The following ARRDC5 variants were observed in gnomAD, a reference collection of about 807,000 sequenced individuals.
ARRDC5 encodes arrestin domain-containing protein 5.
In ARRDC5, 12 loss-of-function variants were observed where a neutral mutation model predicts 13.3. The ratio of observed to expected loss-of-function variants is 0.90; its 90% CI spans 0.58 to 1.46. The LOEUF is 1.46. Among genes scored for constraint, ARRDC5 ranks in the 40% most tolerant of loss-of-function variants. The pLI is 0.00. For synonymous variants in ARRDC5, 181 were observed against 173.4 expected, an observed-to-expected ratio of 1.04 and a Z score of -0.34; for missense variants, 406 against 418.7, an observed-to-expected ratio of 0.97 and a Z score of 0.26.
chr19:4,904,634 C>T (rs1016973693), upstream of ARRDC5, among the ~76,000 whole-genome samples: 1 of 152,158 alleles, frequency 6.6e-6, no homozygotes, highest in African/African-American at 2.4e-5. Context: ...CTCTTTATGC[C>T]TGCATCTCCC....
At chr19:4,892,799 G>A in intron 2 of ARRDC5, among the ~76,000 whole-genome samples, 1 of 151,848 alleles carries the variant, frequency 6.6e-6, no homozygotes, top group Non-Finnish European at 1.5e-5. Context: ...TTGTGATATT[G>A]CCTATTTAGA....
the ARRDC5 span, chr19:4,910,744 G>C: frequency 9.1e-7 from 1 of 1,100,558 alleles, no homozygotes; most frequent in Non-Finnish European, 1.3e-6. Context: ...CTGTACAGGA[G>C]GACTGGAAGG....
chr19:4,901,538 C>T (rs1187554581), intron 1 of ARRDC5, among the ~76,000 whole-genome samples: 8 of 151,274 alleles, frequency 5.3e-5, no homozygotes, highest in Admixed American at 3.3e-4. Flanking sequence ...CGTTTGAACC[C>T]GGGAGGCGGA....
chr19:4,913,420 A>AT, the ARRDC5 span, among the ~76,000 whole-genome samples: 1 of 151,680 alleles, frequency 6.6e-6, no homozygotes, highest in Admixed American at 6.6e-5. Flanking sequence ...CGCCTGATTA[A>AT]TTTTTTGTAT....
intron 1 of ARRDC5, among the ~76,000 whole-genome samples, chr19:4,897,237 G>A (rs1374725162): frequency 3.9e-5 from 6 of 152,150 alleles, no homozygotes; most frequent in South Asian, 2.1e-4. Flanking sequence ...GGTTACAGGC[G>A]TGAGCCACTG....
intron 2 of ARRDC5, among the ~76,000 whole-genome samples, chr19:4,894,855 T>G (rs1007943172): frequency 6.6e-6 from 1 of 152,104 alleles, no homozygotes; most frequent in African/African-American, 2.4e-5. Context: ...CACCTCCCAC[T>G]TTTCTGCCTC....
chr19:4,897,676 C>T (rs2031780423), intron 1 of ARRDC5, among the ~76,000 whole-genome samples: 1 of 152,156 alleles, frequency 6.6e-6, no homozygotes, highest in Non-Finnish European at 1.5e-5. Context: ...GCCACCATGC[C>T]TGGCTAATTT....
chr19:4,893,190 A>AATATAAC (rs918643262), intron 2 of ARRDC5, among the ~76,000 whole-genome samples: 3 of 141,120 alleles, frequency 2.1e-5, no homozygotes, highest in African/African-American at 7.8e-5. Flanking sequence ...ATATTATAAT[A>AATATAAC]ATATAACATA....
chr19:4,915,489 G>C, the ARRDC5 span, among the ~76,000 whole-genome samples: 1 of 152,158 alleles, frequency 6.6e-6, no homozygotes, highest in South Asian at 2.1e-4. Context: ...CAAGGCAGGC[G>C]GATCACCTGA....
At chr19:4,905,820 G>A (rs2032054670), upstream of ARRDC5, among the ~76,000 whole-genome samples, 1 of 152,042 alleles carries the variant, frequency 6.6e-6, no homozygotes, top group Non-Finnish European at 1.5e-5. Flanking sequence ...CCCGGCCAGT[G>A]TTAGTGTATT....
the ARRDC5 span, chr19:4,911,110 C>A: frequency 5.8e-6 from 8 of 1,375,738 alleles, no homozygotes; most frequent in African/African-American, 1.2e-4. Flanking sequence ...CCAGCCGATA[C>A]TTTCTCCCTC....
the ARRDC5 span, chr19:4,910,216 G>A: frequency 1.3e-5 from 2 of 151,462 alleles, no homozygotes; most frequent in Admixed American, 1.3e-4. Flanking sequence ...GGGTTTGGAG[G>A]GGCGCGAGCT....
intron 2 of ARRDC5, among the ~76,000 whole-genome samples, chr19:4,894,128 G>A (rs574738030): frequency 6.9e-4 from 105 of 151,662 alleles, no homozygotes; most frequent in African/African-American, 2.4e-3. Context: ...TGTAATCCCA[G>A]CACTTTGGGA....
the ARRDC5 span, chr19:4,911,128 C>T: frequency 2.4e-6 from 3 of 1,276,456 alleles, no homozygotes; most frequent in Non-Finnish European, 3.2e-6. Context: ...CTCCCACCTC[C>T]CCCCCCAACA....
At chr19:4,903,002 T>C (rs2031976651), upstream of ARRDC5, 3 of 703,662 alleles carry the variant, frequency 4.3e-6, no homozygotes, top group Non-Finnish European at 2.3e-6. Context: ...GGGTGGTTGA[T>C]TGGGAAACCT....
intron 2 of ARRDC5, among the ~76,000 whole-genome samples, chr19:4,893,908 C>T (rs1317496116): frequency 2.1e-5 from 3 of 144,920 alleles, no homozygotes; most frequent in East Asian, 2.1e-4. Flanking sequence ...AATAGCCAGG[C>T]GTGGTGGTGG....
chr19:4,916,482 GGT>G, the ARRDC5 span, among the ~76,000 whole-genome samples: 1 of 152,148 alleles, frequency 6.6e-6, no homozygotes, highest in African/African-American at 2.4e-5. Flanking sequence ...CAGTGATCGT[GGT>G]GTCTTTGTGG....
chr19:4,910,684 TA>T, the ARRDC5 span: 6 of 473,868 alleles, frequency 1.3e-5, no homozygotes, highest in Admixed American at 4.1e-5. Flanking sequence ...GGCTAGTCGT[TA>T]ATGCCTTAAG....
At chr19:4,915,709 C>CA in the ARRDC5 span, among the ~76,000 whole-genome samples, 2,961 of 150,264 alleles carry the variant, frequency 0.02, 95 homozygotes, top group East Asian at 0.029. Flanking sequence ...GACTCCGTCT[C>CA]AAAAAAAAAG....
Sources: allele counts gnomAD v4.1 joint callset (sites outside exome capture counted in the v4.1 genomes callset), GRCh38; gene constraint gnomAD v4.1.1; transcripts MANE v1.5; gene names NCBI Gene and HGNC (gene_info 2026-07-23, HGNC 2026-07-21).